The following L3MBTL3 variants were observed in gnomAD, a reference collection of about 807,000 sequenced individuals.
L3MBTL3 encodes lethal(3)malignant brain tumor-like protein 3.
A neutral mutation model predicts 102.3 loss-of-function variants in L3MBTL3; 27 were observed. That is an observed-to-expected ratio of 0.26 (90% CI 0.19 to 0.36). L3MBTL3 has a LOEUF of 0.36. L3MBTL3 is among the 10% of genes least tolerant of loss of function. The pLI is 1.00. For missense variants in L3MBTL3, 798 were observed against 955.3 expected, an observed-to-expected ratio of 0.84 and a Z score of 2.17; for synonymous variants, 340 against 320.9, an observed-to-expected ratio of 1.06 and a Z score of -0.64.
intron 14 of L3MBTL3, 54 bp from the exon 15 acceptor site, chr6:130,083,562 TGTTA>T: frequency 1.4e-6 from 1 of 718,356 alleles, no homozygotes; most frequent in Non-Finnish European, 2.4e-6. Flanking sequence ...TTGGACAGTT[TGTTA>T]TTCTTGCTAT....
chr6:130,111,526 A>G (rs184265006), intron 19 of L3MBTL3, among the ~76,000 whole-genome samples: 35 of 152,354 alleles, frequency 2.3e-4, no homozygotes, highest in African/African-American at 8.2e-4. Flanking sequence ...TGCCTATTCC[A>G]GATGCCAGGC....
intron 1 of L3MBTL3, among the ~76,000 whole-genome samples, chr6:130,021,187 A>T (rs1329400371): frequency 6.6e-6 from 1 of 152,204 alleles, no homozygotes; most frequent in Non-Finnish European, 1.5e-5. Context: ...GTGCAGCAAA[A>T]TAGCGAACGT....
At position 130,064,348 on chromosome 6, in the gene L3MBTL3, T is replaced by G. The variant is rs148042300; in HGVS notation, c.865-2005T>G. On this transcript the variant is annotated intron_variant, in intron 10 of 22. Coordinates refer to ENST00000361794, the MANE Select transcript of L3MBTL3 (RefSeq NM_032438.4). ...AAGAGGCATCTGGGGGTAACTGGGT[T>G]TGCAGACTGGAATAGGAGTATGTGT... is the stretch of plus-strand genomic sequence containing the variant. 9.2e-5 allele frequency among the ~76,000 whole-genome samples: 14 copies of G among 152,260 alleles called. 1 individual carries two copies. In the East Asian group the frequency reaches 2.7e-3, roughly 29 times the overall value.
At chr6:130,109,435 A>G (rs796950087) in intron 19 of L3MBTL3, among the ~76,000 whole-genome samples, 13 of 152,214 alleles carry the variant, frequency 8.5e-5, no homozygotes, top group African/African-American at 3.1e-4. Context: ...TGTGGTTTTG[A>G]TTTGCATTTA....
intron 12 of L3MBTL3, among the ~76,000 whole-genome samples, chr6:130,069,046 G>T (rs1782459730): frequency 6.6e-6 from 1 of 152,222 alleles, no homozygotes; most frequent in African/African-American, 2.4e-5. Context: ...TCAGAGCTGA[G>T]TTGGAGGACG....
chr6:130,073,850 A>G (rs1249313833), intron 13 of L3MBTL3, among the ~76,000 whole-genome samples: 1 of 152,172 alleles, frequency 6.6e-6, no homozygotes, highest in African/African-American at 2.4e-5. Context: ...GCACAAACTA[A>G]TTATTTTTAG....
At chr6:130,026,632 T>C (rs1196265645) in intron 2 of L3MBTL3, among the ~76,000 whole-genome samples, 1 of 152,072 alleles carries the variant, frequency 6.6e-6, no homozygotes, top group African/African-American at 2.4e-5. Context: ...AATTATTGAA[T>C]TATTCTGAAA....
At chr6:130,027,752 T>TA (rs942554364) in intron 2 of L3MBTL3, among the ~76,000 whole-genome samples, 132 of 152,242 alleles carry the variant, frequency 8.7e-4, no homozygotes, top group Middle Eastern at 3.4e-3. Flanking sequence ...TGAAGTAAAA[T>TA]AAAAAAGAAC....
intron 20 of L3MBTL3, among the ~76,000 whole-genome samples, chr6:130,129,370 A>G (rs1786850718): frequency 6.6e-6 from 1 of 152,202 alleles, no homozygotes; most frequent in Non-Finnish European, 1.5e-5. Context: ...TCTCTGCAGT[A>G]TACTGTGTCC....
At position 130,133,965 on chromosome 6, in the gene L3MBTL3, T is replaced by G; in HGVS notation, c.2199+60T>G. On this transcript the variant is annotated intron_variant, in intron 22 of 22. Coordinates refer to ENST00000361794, the MANE Select transcript of L3MBTL3 (RefSeq NM_032438.4). This position sits in a 1 kb window ranked among gnomAD's most constrained non-coding sequence, Gnocchi z 4.9. ...ATGGGATCAAAGCACTGAAATGCAG[T>G]GGAAGGTGAAATGTGTGGAATTGGC... 1 of 1,339,822 alleles carries G rather than the reference T, an allele frequency of 7.5e-7. No individual in the cohort carries two copies. Among genetic ancestry groups the G allele is most frequent in the Non-Finnish European group, 1.1e-6 (1 of 933,996 alleles). The allele number at this position is 1,339,822 out of a possible 1,614,324, so 83.0% of individuals were successfully genotyped here. A position where few individuals can be genotyped will look rare whatever the true frequency, so the allele number is the denominator to read the frequency against.
chr6:130,099,543 T>C (rs901994395), intron 18 of L3MBTL3, among the ~76,000 whole-genome samples: 7 of 152,166 alleles, frequency 4.6e-5, no homozygotes, highest in Non-Finnish European at 7.3e-5. Context: ...AAAAGCAACA[T>C]TTCTAACATG....
At chr6:130,043,906 T>A (rs1355082585) in intron 3 of L3MBTL3, among the ~76,000 whole-genome samples, 1 of 152,214 alleles carries the variant, frequency 6.6e-6, no homozygotes, top group Non-Finnish European at 1.5e-5. Flanking sequence ...AATGTTGCAC[T>A]GAGGTTTAGT....
intron 3 of L3MBTL3, among the ~76,000 whole-genome samples, chr6:130,043,055 A>G (rs2114696092): frequency 6.6e-6 from 1 of 152,342 alleles, no homozygotes; most frequent in East Asian, 1.9e-4. Flanking sequence ...AAATTGATTT[A>G]TAGTTTCAAG....
At chr6:130,033,010 G>C (rs1225615772) in intron 2 of L3MBTL3, among the ~76,000 whole-genome samples, 2 of 152,156 alleles carry the variant, frequency 1.3e-5, no homozygotes, top group Non-Finnish European at 2.9e-5. Flanking sequence ...TGCAAAAAAT[G>C]AGAGACTGAT....
chr6:130,119,581 A>G (rs1478913753), intron 19 of L3MBTL3, among the ~76,000 whole-genome samples: 1 of 152,144 alleles, frequency 6.6e-6, no homozygotes, highest in Admixed American at 6.5e-5. Context: ...TCTGTGGAAT[A>G]AGAGACCCTG....
rs1780719787 is a variant in L3MBTL3 at position 130,046,267 on chromosome 6, C to T, written c.103-3015C>T. 2.6e-5 allele frequency among the ~76,000 whole-genome samples: 4 copies of T among 152,110 alleles called. No individual in the cohort carries two copies. The South Asian group carries it at 8.3e-4, about 32-fold the overall frequency. On this transcript the variant is annotated intron_variant, in intron 3 of 22. Transcript: ENST00000361794. ...CCCTGCCTGCAGTAGCAGGCAGAGA[C>T]CCAACAGTAAAATTCACCGCACTCT...
intron 14 of L3MBTL3, among the ~76,000 whole-genome samples, chr6:130,081,385 A>C (rs538663871): frequency 1.3e-5 from 2 of 152,266 alleles, no homozygotes; most frequent in Non-Finnish European, 2.9e-5. Flanking sequence ...AAATGTCATA[A>C]AATGTATACA....
chr6:130,086,356 A>AT (rs1185895144), intron 16 of L3MBTL3, 106 bp downstream of exon 16: 1 of 736,028 alleles, frequency 1.4e-6, no homozygotes, highest in Non-Finnish European at 2.3e-6. Flanking sequence ...TAGTAAAATC[A>AT]TAGGAATAAG....
intron 2 of L3MBTL3, among the ~76,000 whole-genome samples, chr6:130,039,138 T>C (rs1426428499): frequency 6.6e-6 from 1 of 152,278 alleles, no homozygotes; most frequent in Non-Finnish European, 1.5e-5. Flanking sequence ...TAAACTATCA[T>C]GGACCCTTCA....
Sources: allele counts gnomAD v4.1 joint callset (sites outside exome capture counted in the v4.1 genomes callset), GRCh38; gene constraint gnomAD v4.1.1; non-coding constraint Gnocchi (gnomAD v3.1); transcripts MANE v1.5; gene names NCBI Gene and HGNC (gene_info 2026-07-23, HGNC 2026-07-21).